The following CCDC30 variants were observed in gnomAD, a reference collection of about 807,000 sequenced individuals.
CCDC30 encodes the protein coiled-coil domain-containing protein 30.
A neutral mutation model predicts 100.2 loss-of-function variants in CCDC30; 70 were observed. The observed-to-expected ratio is 0.70, with a 90% CI of 0.58 to 0.85. The LOEUF is 0.85. CCDC30 is among the 40% of genes least tolerant of loss of function. The pLI, the probability that CCDC30 is intolerant of heterozygous loss-of-function variation, is 0.00. For synonymous variants in CCDC30, 233 were observed against 269.5 expected (o/e 0.86, Z 1.33); for missense variants, 652 against 771.2 (o/e 0.85, Z 1.83).
At chr1:42,621,497 T>TTTTATTTATTTATTTA (rs148757100) in intron 11 of CCDC30, among the ~76,000 whole-genome samples, 4,135 of 145,266 alleles carry the variant, frequency 0.028, 68 homozygotes, top group Non-Finnish European at 0.037. Flanking sequence ...GTTTATTTTA[T>TTTTATTTATTTATTTA]TTTATTTATT....
chr1:42,469,823 G>A (rs921620827), intron 1 of CCDC30, among the ~76,000 whole-genome samples: 27 of 152,184 alleles, frequency 1.8e-4, no homozygotes, highest in African/African-American at 6.3e-4. Context: ...TGCCAAGAGT[G>A]AGGGGAGAGA....
intron 6 of CCDC30, among the ~76,000 whole-genome samples, chr1:42,513,485 G>A (rs1644510647): frequency 6.6e-6 from 1 of 152,178 alleles, no homozygotes. Context: ...GCAAAGAGAA[G>A]GGAAGATGGA....
intron 6 of CCDC30, among the ~76,000 whole-genome samples, chr1:42,528,378 G>A (rs1644755725): frequency 2.0e-5 from 3 of 152,166 alleles, no homozygotes; most frequent in Non-Finnish European, 2.9e-5. Flanking sequence ...TCCGTGTGAA[G>A]GAGGCTTGAT....
chr1:42,459,293 G>A, upstream of CCDC30: 1 of 280,598 alleles, frequency 3.6e-6, no homozygotes, highest in South Asian at 4.9e-5. Context: ...CTCCTGAGTA[G>A]CTGGGACTAC....
At chr1:42,578,454 C>A (rs1489065690) in intron 8 of CCDC30, among the ~76,000 whole-genome samples, 1 of 152,148 alleles carries the variant, frequency 6.6e-6, no homozygotes, top group Non-Finnish European at 1.5e-5. Flanking sequence ...AGTCAGATTT[C>A]ATTGAGTACA....
intron 6 of CCDC30, among the ~76,000 whole-genome samples, chr1:42,504,674 C>T (rs912092019): frequency 6.6e-6 from 1 of 152,166 alleles, no homozygotes; most frequent in South Asian, 2.1e-4. Flanking sequence ...ATTTGGGTGG[C>T]TAGAGTAACT....
intron 6 of CCDC30, among the ~76,000 whole-genome samples, chr1:42,503,359 A>T (rs910769303): frequency 6.6e-6 from 1 of 152,218 alleles, no homozygotes; most frequent in Non-Finnish European, 1.5e-5. Context: ...CATCCAAAAG[A>T]TAAAAGCTGG....
chr1:42,589,751 G>C (rs908001577), intron 10 of CCDC30: 3 of 258,762 alleles, frequency 1.2e-5, no homozygotes, highest in African/African-American at 2.2e-5. Context: ...AAATCACAGA[G>C]AAGCCACCTC....
At chr1:42,629,614 C>CCTATTT (rs1646996425) in intron 11 of CCDC30, among the ~76,000 whole-genome samples, 1 of 151,892 alleles carries the variant, frequency 6.6e-6, no homozygotes, top group Non-Finnish European at 1.5e-5. Flanking sequence ...ACTTCCTACT[C>CCTATTT]CTATTTCTTT....
intron 6 of CCDC30, chr1:42,500,259 A>G (rs1199147444): frequency 1.2e-6 from 2 of 1,610,122 alleles, no homozygotes; most frequent in Non-Finnish European, 1.7e-6. Flanking sequence ...AAGGCAGTGG[A>G]TTTTTCTCTT....
chr1:42,557,809 A>C (rs1645403408), intron 6 of CCDC30, among the ~76,000 whole-genome samples: 1 of 149,722 alleles, frequency 6.7e-6, no homozygotes, highest in Non-Finnish European at 1.5e-5. Context: ...TTAATTCTTA[A>C]GGAATTTGTA....
rs2148572542 is a variant in CCDC30, at chr1:42,570,447, C to T, written c.636+3972C>T. On this transcript the variant is annotated intron_variant, in intron 7 of 16. Coordinates refer to ENST00000668663, the Ensembl canonical transcript of CCDC30. ...TATAAAATATAACACTTAGAAAATG[C>T]ATAAAACATACAGTTTACCTAGTAG... 2.0e-5 allele frequency among the ~76,000 whole-genome samples: 3 copies of T among 152,046 alleles called. No individual in the cohort carries two copies. In the South Asian group the frequency reaches 6.2e-4, roughly 32 times the overall value.
intron 6 of CCDC30, among the ~76,000 whole-genome samples, chr1:42,509,422 G>A (rs758306812): frequency 1.1e-4 from 17 of 152,110 alleles, no homozygotes; most frequent in South Asian, 2.1e-4. Flanking sequence ...TGCAAACCCC[G>A]CCCTTGATAG....
intron 11 of CCDC30, among the ~76,000 whole-genome samples, chr1:42,631,765 AG>A (rs1647042412): frequency 6.6e-6 from 1 of 152,138 alleles, no homozygotes; most frequent in Non-Finnish European, 1.5e-5. Flanking sequence ...TTACCATCAC[AG>A]GCCCATGGAG....
chr1:42,475,850 A>G (rs1408080726), intron 1 of CCDC30, among the ~76,000 whole-genome samples: 1 of 151,484 alleles, frequency 6.6e-6, no homozygotes. Flanking sequence ...TAAAGTACCC[A>G]GTTTAGGGGA....
intron 6 of CCDC30, among the ~76,000 whole-genome samples, chr1:42,563,067 C>A (rs1645527001): frequency 1.3e-5 from 2 of 152,270 alleles, no homozygotes; most frequent in African/African-American, 2.4e-5. Flanking sequence ...GGATCTAGAA[C>A]CAGAAATACA....
chr1:42,575,847 A>G (rs1645826620), intron 7 of CCDC30, among the ~76,000 whole-genome samples: 1 of 152,140 alleles, frequency 6.6e-6, no homozygotes, highest in Non-Finnish European at 1.5e-5. Flanking sequence ...CCCCCTGCAA[A>G]GTGACATTTA....
In CCDC30 at chr1:42,621,427, CA is replaced by C. The variant is rs1407850800; in HGVS notation, c.1277+10338del. ...ACCTCCTGGGCTCAAGTGATCCTTC[CA>C]CTTCAGCCTCCACAGTAGCTGGGAC... is the stretch of plus-strand genomic sequence containing the variant. On this transcript the variant is annotated intron_variant, in intron 11 of 16. Transcript: ENST00000668663. Among the ~76,000 whole-genome samples the C allele has an allele frequency of 8.6e-5, 13 of 151,776 alleles. No individual in the cohort carries two copies. The South Asian group carries it at 1.9e-3, about 22-fold the overall frequency.
chr1:42,642,994 T>G (rs947725544), intron 13 of CCDC30, among the ~76,000 whole-genome samples: 1 of 152,182 alleles, frequency 6.6e-6, no homozygotes, highest in South Asian at 2.1e-4. Context: ...CCACAGGATA[T>G]CAGTGTATTA....
Sources: gnomAD v4.1 joint callset for allele counts (sites outside exome capture counted in the v4.1 genomes callset) on GRCh38, gnomAD v4.1.1 for gene constraint, MANE v1.5 for transcripts, NCBI Gene and HGNC (gene_info 2026-07-23, HGNC 2026-07-21) for gene names.